SLC5A12: variants seen among roughly 807,000 people sequenced by gnomAD.
The protein encoded by SLC5A12 is solute carrier family 5 member 12, also known as sodium-coupled monocarboxylate transporter 2.
In SLC5A12, 46 loss-of-function variants were observed where a neutral mutation model predicts 72.7. The observed-to-expected ratio is 0.63, with a 90% CI of 0.50 to 0.81. The LOEUF (loss-of-function observed/expected upper bound fraction) is 0.81. SLC5A12 is among the 30% of genes least tolerant of loss of function. The pLI is 0.00. For synonymous variants in SLC5A12, 275 were observed against 264.4 expected, an observed-to-expected ratio of 1.04 and a Z score of -0.39; for missense variants, 683 against 740.7, an observed-to-expected ratio of 0.92 and a Z score of 0.90.
Position 26,678,734 on chromosome 11 carries a change from TC to T in SLC5A12, c.1556del (p.Gly519GlufsTer2). The T allele has an allele frequency of 6.2e-7, 1 of 1,613,010 alleles. No individual in the cohort carries two copies. The highest frequency in any genetic ancestry group is 8.5e-7 in the Non-Finnish European group (1 of 1,179,372). On this transcript the variant is annotated frameshift_variant, in exon 13 of 15. Coordinates refer to ENST00000396005, the MANE Select transcript of SLC5A12 (RefSeq NM_178498.4). LOFTEE classifies it high-confidence loss of function. ...AACCTGTTATGAGGCTGATGATTACTCCAGCAACAATGCATCCTAAGCAGCC... is the reference window on the plus strand; with the variant it reads ...AACCTGTTATGAGGCTGATGATTACTCAGCAACAATGCATCCTAAGCAGCC... ...AVGCLGCIVA[G>X]VIISLITGRQ...
At position 26,709,392 on chromosome 11, in the gene SLC5A12, A is replaced by G. The variant is rs778756872; in HGVS notation, c.458-13T>C. ...TCAAACCCAGTCACTAGGAAAGAAGAAAAAAATATTAAAAGAAGTTTCCTT... is the reference window on the plus strand; with the variant it reads ...TCAAACCCAGTCACTAGGAAAGAAGGAAAAAATATTAAAAGAAGTTTCCTT... On this transcript the variant is annotated splice_polypyrimidine_tract_variant and intron_variant, in intron 3 of 14. Transcript: ENST00000396005. 27 of 1,595,630 alleles carry G rather than the reference A, an allele frequency of 1.7e-5. No homozygotes were observed. The East Asian group carries it at 3.6e-4, about 21-fold the overall frequency.
chr11:26,700,261 G>T (rs1854925691), intron 6 of SLC5A12, among the ~76,000 whole-genome samples: 1 of 152,124 alleles, frequency 6.6e-6, no homozygotes, highest in Non-Finnish European at 1.5e-5. Context: ...GAAACCAGTG[G>T]AAATAGAATA....
At chr11:26,676,787 A>G (rs567912177) in intron 13 of SLC5A12, among the ~76,000 whole-genome samples, 1 of 152,318 alleles carries the variant, frequency 6.6e-6, no homozygotes, top group South Asian at 2.1e-4. Flanking sequence ...TTAATGATAT[A>G]AACTTCCTGG....
At chr11:26,707,818 AT>A (rs1306187061) in intron 4 of SLC5A12, among the ~76,000 whole-genome samples, 1 of 151,976 alleles carries the variant, frequency 6.6e-6, no homozygotes, top group Non-Finnish European at 1.5e-5. Context: ...TGTTAAAGTT[AT>A]TGTTAGATCT....
Position 26,681,085 on chromosome 11 carries a change from G to A in SLC5A12, c.1445C>T (p.Thr482Ile), listed in dbSNP as rs2133145316. 1.2e-6 allele frequency: 2 copies of A among 1,609,390 alleles called. No individual in the cohort carries two copies. The highest frequency in any genetic ancestry group is 4.5e-5 in the East Asian group (2 of 44,624). The change falls in exon 12 of 15, where the codon ACA (threonine) becomes ATA (isoleucine). Residue 482 changes from threonine to isoleucine, a missense_variant. Transcript: ENST00000396005. Reference protein sequence around the residue: ...STDQCIKSNVTATGPPVLSSR... With the variant: ...STDQCIKSNVIATGPPVLSSR... The stretch of plus-strand genomic sequence containing the variant: ...GGATAGTACTGGAGGCCCTGTTGCT[G>A]TCACATTTGATTTGATACATTGGTC...
At chr11:26,678,879 C>G (rs889018100) in intron 12 of SLC5A12, 64 bp from the exon 13 acceptor site, 1 of 1,090,574 alleles carries the variant, frequency 9.2e-7, no homozygotes, top group Non-Finnish European at 1.3e-6. Context: ...ATGTAGAGGA[C>G]TGCTCAGGAT....
chr11:26,687,228 A>G (rs1456319706), intron 9 of SLC5A12, among the ~76,000 whole-genome samples: 1 of 152,180 alleles, frequency 6.6e-6, no homozygotes, highest in Non-Finnish European at 1.5e-5. Context: ...ACCATCTTTT[A>G]AAAAGTCATT....
intron 10 of SLC5A12, among the ~76,000 whole-genome samples, 172 bp downstream of exon 10, chr11:26,686,305 T>TC (rs1554991189): frequency 4.7e-5 from 7 of 150,306 alleles, no homozygotes; most frequent in South Asian, 4.3e-4. Context: ...GATAAGTTCT[T>TC]TTTTTGTGCT....
chr11:26,689,233 T>TA (rs1161519916), intron 9 of SLC5A12, among the ~76,000 whole-genome samples: 2 of 151,954 alleles, frequency 1.3e-5, no homozygotes, highest in African/African-American at 2.4e-5. Flanking sequence ...CCGTTTCTAC[T>TA]AAAAAAATAC....
chr11:26,698,323 AAG>A lies in SLC5A12; in HGVS notation c.951+81_951+82del. On this transcript the variant is annotated intron_variant, in intron 7 of 14. Coordinates refer to ENST00000396005, the MANE Select transcript of SLC5A12 (RefSeq NM_178498.4). ...AAATAGTGAGCAGTCCAGGAAGAAA[AAG>A]AGAAAGGCCAAGATTATCCACCAAT... 3 of 1,536,216 alleles carry A rather than the reference AAG, an allele frequency of 2.0e-6. 1 individual carries two copies. Among genetic ancestry groups the A allele is most frequent in the Non-Finnish European group, 2.6e-6 (3 of 1,142,634 alleles).
At chr11:26,694,540 G>C (rs1427966178) in intron 8 of SLC5A12, among the ~76,000 whole-genome samples, 2 of 152,102 alleles carry the variant, frequency 1.3e-5, no homozygotes, top group African/African-American at 4.8e-5. Context: ...TGAGATCCTA[G>C]TGCCAACACC....
intron 9 of SLC5A12, among the ~76,000 whole-genome samples, chr11:26,686,943 G>A (rs1361506204): frequency 6.6e-6 from 1 of 152,124 alleles, no homozygotes; most frequent in South Asian, 2.1e-4. Flanking sequence ...CTAATTCCAG[G>A]ACTCCAGTAG....
intron 11 of SLC5A12, among the ~76,000 whole-genome samples, chr11:26,681,677 GT>G (rs891900926): frequency 2.0e-5 from 3 of 152,024 alleles, no homozygotes; most frequent in African/African-American, 7.2e-5. Flanking sequence ...CTAGTTCTGA[GT>G]TTTTTTGTTT....
At chr11:26,690,409 A>G (rs1277837529) in intron 9 of SLC5A12, among the ~76,000 whole-genome samples, 2 of 151,984 alleles carry the variant, frequency 1.3e-5, no homozygotes, top group African/African-American at 2.4e-5. Context: ...AACATGAAAC[A>G]TTCTTATACA....
At chr11:26,698,626 G>C in intron 6 of SLC5A12, 91 bp from the exon 7 acceptor site, 4 of 1,240,572 alleles carry the variant, frequency 3.2e-6, no homozygotes, top group African/African-American at 3.0e-5. Context: ...AAAGGGTTTT[G>C]GGTCTTTTTG....
intron 13 of SLC5A12, 40 bp from the exon 14 acceptor site, chr11:26,673,569 C>A: frequency 6.5e-7 from 1 of 1,533,722 alleles, no homozygotes; most frequent in Non-Finnish European, 8.8e-7. Flanking sequence ...GGTTGCAGGC[C>A]TCCATGTCTT....
At chr11:26,677,487 C>T (rs117950666) in intron 13 of SLC5A12, among the ~76,000 whole-genome samples, 10 of 152,098 alleles carry the variant, frequency 6.6e-5, no homozygotes, top group Non-Finnish European at 1.3e-4. Context: ...TAGTGGTGAC[C>T]GATCACTAAA....
At chr11:26,684,130 T>G (rs1854473909) in intron 10 of SLC5A12, among the ~76,000 whole-genome samples, 1 of 152,048 alleles carries the variant, frequency 6.6e-6, no homozygotes, top group Non-Finnish European at 1.5e-5. Flanking sequence ...AGAGTCTTCT[T>G]TCTCTATAAA....
chr11:26,688,778 C>T (rs753667071), intron 9 of SLC5A12, among the ~76,000 whole-genome samples: 11 of 151,816 alleles, frequency 7.2e-5, no homozygotes, highest in Non-Finnish European at 1.2e-4. Flanking sequence ...AAGATGGATC[C>T]GGGTATGATA....
Sources: gnomAD v4.1 joint callset for allele counts (sites outside exome capture counted in the v4.1 genomes callset) on GRCh38, gnomAD v4.1.1 for gene constraint, MANE v1.5 for transcripts, NCBI Gene and HGNC (gene_info 2026-07-23, HGNC 2026-07-21) for gene names.